ASMTL: variants seen among roughly 807,000 people sequenced by gnomAD.
ASMTL encodes the protein acetylserotonin O-methyltransferase like.
In ASMTL, 57 loss-of-function variants were observed where a neutral mutation model predicts 60.3. The observed-to-expected ratio is 0.95, with a 90% CI of 0.76 to 1.18. The LOEUF (loss-of-function observed/expected upper bound fraction) is 1.18, where lower values mean the gene tolerates loss of function less well. Ranked by LOEUF, ASMTL falls within the 50% of genes most tolerant of loss-of-function variation. ASMTL has a pLI of 0.00. For missense variants in ASMTL, 981 were observed against 852.6 expected (o/e 1.15, Z -1.88); for synonymous variants, 419 against 373.0 (o/e 1.12, Z -1.42).
chrX:1,450,538 T>C lies in ASMTL; in HGVS notation c.93+2210A>G, dbSNP rs1379741820. On this transcript the variant is annotated intron_variant, in intron 1 of 12. Transcript: ENST00000381317. ...TCCTGGATCACACTCCCCTCCCCCA[T>C]CACTAGGGCATCCTGGGTCACTCTC... Among the ~76,000 whole-genome samples the C allele has an allele frequency of 1.3e-4, 16 of 118,586 alleles. No homozygotes were observed. The East Asian group carries it at 1.9e-3, about 14-fold the overall frequency. The allele number at this position is 118,586 out of a possible 152,430, so 77.8% of individuals were successfully genotyped here. A position where few individuals can be genotyped will look rare whatever the true frequency, so the allele number is the denominator to read the frequency against.
chrX:1,444,665 C>T (rs2091196370), intron 1 of ASMTL, among the ~76,000 whole-genome samples: 1 of 151,822 alleles, frequency 6.6e-6, no homozygotes, highest in South Asian at 2.1e-4. Flanking sequence ...AGCCTCTGGC[C>T]CTCTGACCCT....
At chrX:1,452,506 G>T (rs1468974008) in intron 1 of ASMTL, among the ~76,000 whole-genome samples, 1 of 125,580 alleles carries the variant, frequency 8.0e-6, no homozygotes, top group Non-Finnish European at 1.7e-5. Flanking sequence ...GGGGACCCAG[G>T]TCACTCCCCA....
In ASMTL at chrX:1,432,280, G is replaced by A. The variant is rs140800260; in HGVS notation, c.498C>T (p.Ser166=). 57,128 of 1,478,940 alleles carry A rather than the reference G, an allele frequency of 0.039. 1,267 individuals are homozygous for A. The highest frequency in any genetic ancestry group is 0.046 in the Non-Finnish European group (49,748 of 1,071,344). 91.6% of individuals were successfully genotyped at this position (1,478,940 alleles called of 1,614,324 possible). A position where few individuals can be genotyped will look rare whatever the true frequency, so the allele number is the denominator to read the frequency against. Residue 166 remains serine, a synonymous_variant, in exon 6 of 13, where the codon AGC becomes AGT. Transcript: ENST00000381317. The stretch of plus-strand genomic sequence containing the variant: ...CCCCCGAGACTCACATGGGCTCCCC[G>A]CTGTGGACGTATTCCCAGAGCAGCT... ...SEELLWEYVH[S]GEPMDKAGGY...
intron 5 of ASMTL, among the ~76,000 whole-genome samples, chrX:1,433,074 G>A (rs1427551099): frequency 6.6e-6 from 1 of 152,038 alleles, no homozygotes. Flanking sequence ...CTGCAGCCTG[G>A]GCGACAGAGC....
chrX:1,426,259 T>C (rs1394744126), intron 7 of ASMTL, among the ~76,000 whole-genome samples: 1 of 152,128 alleles, frequency 6.6e-6, no homozygotes, highest in African/African-American at 2.4e-5. Context: ...AATCAATGTC[T>C]GTTGTTTATA....
In ASMTL at chrX:1,439,085, G is replaced by A. The variant is rs778251607; in HGVS notation, c.273+12C>T. On this transcript the variant is annotated intron_variant, in intron 3 of 12. Transcript: ENST00000381317. The stretch of plus-strand genomic sequence containing the variant: ...TCGGACATTAGAAACGAGGCACCCT[G>A]GCCGCACTCACCACGATCGTGTCCG... The A allele has an allele frequency of 5.0e-6, 8 of 1,613,844 alleles. No homozygotes were observed. The South Asian group carries it at 6.6e-5, about 13-fold the overall frequency.
rs149999369 is a variant in ASMTL, at chrX:1,422,770, G to A, written c.1061-928C>T. 2.2e-3 allele frequency among the ~76,000 whole-genome samples: 337 copies of A among 152,156 alleles called. 5 individuals are homozygous for A. Among genetic ancestry groups the A allele is most frequent in the African/African-American group, 7.3e-3 (304 of 41,532 alleles). On this transcript the variant is annotated intron_variant, in intron 8 of 12. Transcript: ENST00000381317. ...TACGGTTTGCTATAGTCAGATAGAT[G>A]ACATTTATTTTCATCATGAATAAAT...
chrX:1,420,098 C>G (rs1253312418), intron 9 of ASMTL, among the ~76,000 whole-genome samples: 2 of 151,792 alleles, frequency 1.3e-5, no homozygotes, highest in Admixed American at 6.6e-5. Flanking sequence ...CTCTCCAAGC[C>G]TCCCTGTCTC....
At chrX:1,420,117 A>G (rs1199939408) in intron 9 of ASMTL, among the ~76,000 whole-genome samples, 2 of 135,772 alleles carry the variant, frequency 1.5e-5, no homozygotes, top group Non-Finnish European at 3.2e-5. Context: ...TCTGTCTCCC[A>G]TCTCCCTCTA....
chrX:1,404,053 A>AGATG (rs754914785), intron 12 of ASMTL, among the ~76,000 whole-genome samples: 2 of 151,224 alleles, frequency 1.3e-5, no homozygotes, highest in South Asian at 4.2e-4. Context: ...TGCATGGACG[A>AGATG]GATGGATGGA....
upstream of ASMTL, among the ~76,000 whole-genome samples, chrX:1,453,221 G>C (rs1409957420): frequency 1.4e-3 from 195 of 140,162 alleles, 2 homozygotes; most frequent in African/African-American, 5.0e-3. Flanking sequence ...CCCATGTCAC[G>C]CCGCCATTGA....
Position 1,417,939 on chromosome X carries a change from A to C in ASMTL, c.1522+34T>G, listed in dbSNP as rs746493039. On this transcript the variant is annotated intron_variant, in intron 11 of 12. Coordinates refer to ENST00000381317, the MANE Select transcript of ASMTL (RefSeq NM_004192.4). Reference sequence around the variant, plus strand: ...CTAGAAAGAGATGCTGCAGTCTGGAAAAGGTTAGCAGGGTGAACAGGAGGA... The same window carrying C: ...CTAGAAAGAGATGCTGCAGTCTGGACAAGGTTAGCAGGGTGAACAGGAGGA... The C allele has an allele frequency of 5.1e-6, 8 of 1,574,526 alleles. 1 individual carries two copies. In the South Asian group the frequency reaches 9.2e-5, roughly 18 times the overall value.
intron 2 of ASMTL, among the ~76,000 whole-genome samples, chrX:1,440,873 C>T (rs2091092908): frequency 6.6e-6 from 1 of 152,126 alleles, no homozygotes; most frequent in East Asian, 1.9e-4. Flanking sequence ...TACATAGTAT[C>T]ACACAGTAAC....
At chrX:1,446,129 T>A (rs2091225904) in intron 1 of ASMTL, among the ~76,000 whole-genome samples, 1 of 152,176 alleles carries the variant, frequency 6.6e-6, no homozygotes. Context: ...TTAGTGAAAG[T>A]ACTAAAAGTG....
chrX:1,432,980 C>A (rs1370453725), intron 5 of ASMTL, among the ~76,000 whole-genome samples: 1 of 152,220 alleles, frequency 6.6e-6, no homozygotes, highest in African/African-American at 2.4e-5. Context: ...CACCTGTCAT[C>A]CCAGCTACTC....
chrX:1,437,481 C>T (rs781673014), intron 3 of ASMTL, among the ~76,000 whole-genome samples: 98 of 133,846 alleles, frequency 7.3e-4, no homozygotes, highest in Middle Eastern at 0.011. Context: ...CGCCGTCTTC[C>T]CCCTGTGTCC....
intron 11 of ASMTL, among the ~76,000 whole-genome samples, chrX:1,417,565 C>A (rs374175788): frequency 0.01 from 841 of 81,240 alleles, 8 homozygotes; most frequent in African/African-American, 0.03. Flanking sequence ...GCACGACAGT[C>A]ATATGCACAC....
rs1237581015 is a variant in ASMTL at position 1,425,448 on chromosome X, C to G, written c.1060+77G>C. The G allele has an allele frequency of 1.8e-5, 28 of 1,537,212 alleles. No homozygotes were observed. The African/African-American group carries it at 2.9e-4, about 16-fold the overall frequency. On this transcript the variant is annotated intron_variant, in intron 8 of 12. Transcript: ENST00000381317. ...GTGTGGGCCTCCTTCCTCGCTCTGC[C>G]CAGGCTCCAGGTCACCTTCCCTCAG... is the stretch of plus-strand genomic sequence containing the variant.
chrX:1,453,288 C>T (rs2091441501), upstream of ASMTL, among the ~76,000 whole-genome samples: 1 of 151,660 alleles, frequency 6.6e-6, no homozygotes, highest in African/African-American at 2.4e-5. Context: ...CCAGGCCACG[C>T]CCATGCCACG....
Sources: allele counts gnomAD v4.1 joint callset (sites outside exome capture counted in the v4.1 genomes callset), GRCh38; gene constraint gnomAD v4.1.1; transcripts MANE v1.5; gene names NCBI Gene and HGNC (gene_info 2026-07-23, HGNC 2026-07-21).